Variants in RALYL observed in about 807,000 individuals in gnomAD.
The protein encoded by RALYL is RALY RNA binding protein like, also known as RNA-binding Raly-like protein.
Under a neutral mutation model 35.1 loss-of-function variants are expected in RALYL, and 29 were observed. The ratio of observed to expected loss-of-function variants is 0.83; its 90% CI spans 0.61 to 1.13. The LOEUF is 1.13. Among genes scored for constraint, RALYL ranks in the 50% most tolerant of loss-of-function variants. The pLI is 0.00. For missense variants in RALYL, 359 were observed against 360.4 expected (o/e 1.00, Z 0.03); for synonymous variants, 120 against 127.6 (o/e 0.94, Z 0.40).
At chr8:84,487,170 A>G (rs1475540910) in intron 1 of RALYL, among the ~76,000 whole-genome samples, 1 of 152,118 alleles carries the variant, frequency 6.6e-6, no homozygotes, top group Admixed American at 6.6e-5. Context: ...AAAACATGAC[A>G]GTTTGAAACT....
At chr8:84,519,115 C>T (rs1421566495) in intron 1 of RALYL, among the ~76,000 whole-genome samples, 1 of 152,096 alleles carries the variant, frequency 6.6e-6, no homozygotes, top group East Asian at 1.9e-4. Flanking sequence ...GATGCTTTTG[C>T]CTTGACTCTC....
chr8:84,834,448 G>A (rs1831540996), intron 4 of RALYL, among the ~76,000 whole-genome samples: 1 of 152,204 alleles, frequency 6.6e-6, no homozygotes, highest in South Asian at 2.1e-4. Flanking sequence ...GAGGTGATGA[G>A]TAGGAAACCT....
chr8:84,310,250 T>A (rs111513911), intron 1 of RALYL, among the ~76,000 whole-genome samples: 7,151 of 151,656 alleles, frequency 0.047, 256 homozygotes, highest in African/African-American at 0.083. Flanking sequence ...CATGTTGTCC[T>A]GGCTGGTCTT....
Position 84,183,631 on chromosome 8 carries a change from T to C in RALYL, c.-817T>C, listed in dbSNP as rs1222047484. 6.6e-6 allele frequency: 1 copy of C among 152,610 alleles called. No homozygotes were observed. Among genetic ancestry groups the C allele is most frequent in the African/African-American group, 2.4e-5 (1 of 41,470 alleles). 9.5% of individuals were successfully genotyped at this position (152,610 alleles called of 1,614,324 possible). The stretch of plus-strand genomic sequence containing the variant: ...TCCTATTCTTTTTTTTGTCCTTTTT[T>C]TTGGTTTTTTGTTTTTTTTGTTTTT... On this transcript the variant is annotated 5_prime_UTR_variant, in exon 1 of 9. Transcript: ENST00000521268.
intron 1 of RALYL, among the ~76,000 whole-genome samples, chr8:84,185,871 G>A (rs571553812): frequency 6.6e-6 from 1 of 152,244 alleles, no homozygotes; most frequent in African/African-American, 2.4e-5. Flanking sequence ...TTCACTGTCT[G>A]TAACCTCAGT....
At chr8:84,546,959 A>AT (rs5892925) in intron 2 of RALYL, among the ~76,000 whole-genome samples, 56,415 of 151,864 alleles carry the variant, frequency 0.37, 10,590 homozygotes, top group South Asian at 0.51. Context: ...TCTAATTTTA[A>AT]TTTTTTTAAT....
chr8:84,404,499 C>G (rs547617200), intron 1 of RALYL, among the ~76,000 whole-genome samples: 1 of 152,104 alleles, frequency 6.6e-6, no homozygotes, highest in Non-Finnish European at 1.5e-5. Flanking sequence ...GTTGAACCAG[C>G]CTTGCATCCC....
In RALYL at chr8:84,655,397, C is replaced by T. The variant is rs1260638518; in HGVS notation, c.257-119182C>T. Among the ~76,000 whole-genome samples, 34 of 151,790 alleles carry T rather than the reference C, an allele frequency of 2.2e-4. 1 individual carries two copies. Among genetic ancestry groups the T allele is most frequent in the South Asian group, 4.2e-4 (2 of 4,812 alleles). On this transcript the variant is annotated intron_variant, in intron 2 of 8. Coordinates refer to ENST00000521268, the MANE Select transcript of RALYL (RefSeq NM_173848.7). ...AAGCTGGAGTGCAGTGGTGCAATCT[C>T]GGCTCACTGTAACTGCTGCCTTCCA...
chr8:84,515,072 A>C (rs2057950567), intron 1 of RALYL, among the ~76,000 whole-genome samples: 1 of 152,222 alleles, frequency 6.6e-6, no homozygotes, highest in Non-Finnish European at 1.5e-5. Flanking sequence ...CTACTTATGT[A>C]GTTGCAATAA....
intron 1 of RALYL, among the ~76,000 whole-genome samples, chr8:84,507,030 A>T (rs2057226468): frequency 6.6e-6 from 1 of 152,102 alleles, no homozygotes; most frequent in Non-Finnish European, 1.5e-5. Context: ...ACTTTCACAA[A>T]GTGCCTAGAA....
intron 1 of RALYL, among the ~76,000 whole-genome samples, chr8:84,487,172 T>A (rs1276552168): frequency 6.6e-6 from 1 of 152,078 alleles, no homozygotes; most frequent in African/African-American, 2.4e-5. Flanking sequence ...AACATGACAG[T>A]TTGAAACTAA....
At chr8:84,417,754 C>T (rs1453814181) in intron 1 of RALYL, among the ~76,000 whole-genome samples, 1 of 152,046 alleles carries the variant, frequency 6.6e-6, no homozygotes, top group African/African-American at 2.4e-5. Flanking sequence ...ATGCCATTTT[C>T]ATATTTATAT....
intron 2 of RALYL, among the ~76,000 whole-genome samples, chr8:84,640,429 G>A (rs570241208): frequency 4.6e-5 from 7 of 152,038 alleles, no homozygotes; most frequent in African/African-American, 1.7e-4. Flanking sequence ...TGATGAAAAA[G>A]TACTTGAATT....
At chr8:84,908,863 C>CTT (rs199823649) in intron 8 of RALYL, among the ~76,000 whole-genome samples, 6 of 141,090 alleles carry the variant, frequency 4.3e-5, no homozygotes, top group South Asian at 2.3e-4. Context: ...CCCTCCAGCA[C>CTT]TTTTTTTTTT....
intron 1 of RALYL, among the ~76,000 whole-genome samples, chr8:84,494,065 T>A (rs1422863823): frequency 6.6e-6 from 1 of 152,174 alleles, no homozygotes; most frequent in Non-Finnish European, 1.5e-5. Context: ...TAATCCATCT[T>A]GAGTTAATTT....
intron 5 of RALYL, among the ~76,000 whole-genome samples, chr8:84,862,064 C>G (rs1200306941): frequency 6.6e-6 from 1 of 152,140 alleles, no homozygotes; most frequent in Non-Finnish European, 1.5e-5. Flanking sequence ...CAAATGAGTT[C>G]CTCTTGGAGG....
rs566333187 is a variant in RALYL at position 84,556,097 on chromosome 8, TAAAAC to T, written c.256+26525_256+26529del. Among the ~76,000 whole-genome samples, 19 of 152,314 alleles carry T rather than the reference TAAAAC, an allele frequency of 1.2e-4. No individual in the cohort carries two copies. The East Asian group carries it at 1.5e-3, about 12-fold the overall frequency. On this transcript the variant is annotated intron_variant, in intron 2 of 8. Transcript: ENST00000521268. ...TTTGCAGGAACAGTGTGACAAATGA[TAAAAC>T]AAAATAAGGTCACTTAATGTGATTA...
chr8:84,293,103 G>A (rs1001192270), intron 1 of RALYL, among the ~76,000 whole-genome samples: 5 of 152,044 alleles, frequency 3.3e-5, no homozygotes, highest in African/African-American at 1.2e-4. Flanking sequence ...TGGAAAACGT[G>A]GATGGCAGAA....
chr8:84,893,757 C>T (rs528489279), intron 8 of RALYL, among the ~76,000 whole-genome samples: 26 of 152,230 alleles, frequency 1.7e-4, no homozygotes, highest in Middle Eastern at 3.4e-3. Flanking sequence ...CCATCAATTC[C>T]CAAAGGAAAC....
Sources: gnomAD v4.1 joint callset for allele counts (sites outside exome capture counted in the v4.1 genomes callset) on GRCh38, gnomAD v4.1.1 for gene constraint, MANE v1.5 for transcripts, NCBI Gene and HGNC (gene_info 2026-07-23, HGNC 2026-07-21) for gene names.